GNG2: variants seen among roughly 807,000 people sequenced by gnomAD.
The protein encoded by GNG2 is guanine nucleotide-binding protein G(I)/G(S)/G(O) subunit gamma-2.
GNG2 carries 5 observed loss-of-function variants against 5.5 expected under a neutral mutation model. That is an observed-to-expected ratio of 0.91 (90% confidence interval 0.48 to 1.92). The LOEUF is 1.92. GNG2 is among the 30% of genes most tolerant of loss of function. The pLI is 0.01. For synonymous variants in GNG2, 28 were observed against 32.0 expected, an observed-to-expected ratio of 0.88 and a Z score of 0.42; for missense variants, 55 against 88.4, an observed-to-expected ratio of 0.62 and a Z score of 1.52.
At chr14:51,827,621 G>A in intron 1 of GNG2, 1 of 682,940 alleles carries the variant, frequency 1.5e-6, no homozygotes, top group South Asian at 1.6e-5. Context: ...TTAAAGCTGT[G>A]ATTAGTGTGT....
chr14:51,837,586 G>A (rs978351611), intron 2 of GNG2, among the ~76,000 whole-genome samples: 7 of 151,246 alleles, frequency 4.6e-5, no homozygotes, highest in East Asian at 1.9e-4. Context: ...CGCAGAGGCC[G>A]CAGTGAGCTG....
intron 2 of GNG2, among the ~76,000 whole-genome samples, chr14:51,837,461 A>G (rs1334047984): frequency 2.0e-5 from 3 of 151,986 alleles, no homozygotes; most frequent in Non-Finnish European, 2.9e-5. Flanking sequence ...TCTTGCCAAC[A>G]TGGTGAAACA....
At chr14:51,851,233 G>C (rs540325684) in intron 2 of GNG2, among the ~76,000 whole-genome samples, 2 of 152,162 alleles carry the variant, frequency 1.3e-5, no homozygotes, top group South Asian at 4.1e-4. Flanking sequence ...GGTTCCCTTG[G>C]AGCGGGGAGA....
chr14:51,893,025 C>T (rs1884961856), intron 2 of GNG2, among the ~76,000 whole-genome samples: 1 of 152,190 alleles, frequency 6.6e-6, no homozygotes, highest in Non-Finnish European at 1.5e-5. Context: ...CATCTTCACT[C>T]CACTGTCGCC....
intron 2 of GNG2, among the ~76,000 whole-genome samples, chr14:51,896,108 A>G (rs561236179): frequency 2.6e-5 from 4 of 152,252 alleles, no homozygotes; most frequent in African/African-American, 9.6e-5. Context: ...TTGGATTCAG[A>G]ACAGGAATTT....
At chr14:51,904,455 C>G (rs1885774918) in intron 2 of GNG2, among the ~76,000 whole-genome samples, 1 of 152,134 alleles carries the variant, frequency 6.6e-6, no homozygotes. Flanking sequence ...GAATTCTTTA[C>G]AGAGAGGGAT....
At chr14:51,862,746 C>T (rs1036793902) in intron 1 of GNG2, among the ~76,000 whole-genome samples, 2 of 152,338 alleles carry the variant, frequency 1.3e-5, no homozygotes, top group East Asian at 1.9e-4. Flanking sequence ...ATTTTCTGCA[C>T]AGCACAAAAC....
chr14:51,835,844 G>C (rs2790505), intron 2 of GNG2, among the ~76,000 whole-genome samples: 49,586 of 151,844 alleles, frequency 0.33, 9,426 homozygotes, highest in Non-Finnish European at 0.41. Flanking sequence ...CTAATTTTCA[G>C]GTCTTTTGCT....
At chr14:51,902,112 A>G (rs1885608766) in intron 2 of GNG2, among the ~76,000 whole-genome samples, 1 of 152,078 alleles carries the variant, frequency 6.6e-6, no homozygotes, top group Non-Finnish European at 1.5e-5. Flanking sequence ...GATTTTGATT[A>G]AATATTTTTG....
intron 2 of GNG2, among the ~76,000 whole-genome samples, chr14:51,850,360 G>GA (rs1042906123): frequency 6.6e-6 from 1 of 151,932 alleles, no homozygotes; most frequent in East Asian, 1.9e-4. Context: ...CAGCTCTCAT[G>GA]AAAAAAATAA....
chr14:51,885,927 A>G (rs376605557), intron 2 of GNG2, among the ~76,000 whole-genome samples: 3 of 152,294 alleles, frequency 2.0e-5, no homozygotes, highest in East Asian at 1.9e-4. Flanking sequence ...ATTATAATTT[A>G]TTCATGACAG....
intron 2 of GNG2, among the ~76,000 whole-genome samples, chr14:51,828,051 G>C (rs967662135): frequency 6.6e-6 from 1 of 152,226 alleles, no homozygotes; most frequent in Non-Finnish European, 1.5e-5. Flanking sequence ...GGATTCTCGG[G>C]ATGAGAGGCC....
chr14:51,942,059 T>C (rs1213460814), intron 2 of GNG2, among the ~76,000 whole-genome samples: 2 of 152,192 alleles, frequency 1.3e-5, no homozygotes. Flanking sequence ...ATTCTGTCAG[T>C]AGACTGCATA....
chr14:51,842,564 C>G (rs1323681093), intron 2 of GNG2, among the ~76,000 whole-genome samples: 1 of 152,188 alleles, frequency 6.6e-6, no homozygotes, highest in Non-Finnish European at 1.5e-5. Flanking sequence ...GGTCACAGAC[C>G]TACTCAGGGC....
intron 2 of GNG2, chr14:51,913,965 A>G (rs1384096607): frequency 4.1e-6 from 2 of 484,858 alleles, no homozygotes; most frequent in East Asian, 3.4e-5. Context: ...CATTTCATAT[A>G]TATGAAAAAC....
At chr14:51,858,900 T>C (rs1174000631), upstream of GNG2, among the ~76,000 whole-genome samples, 1 of 152,218 alleles carries the variant, frequency 6.6e-6, no homozygotes, top group Non-Finnish European at 1.5e-5. Flanking sequence ...GGGTCCTTTT[T>C]GATGAAAGAT....
chr14:51,901,957 A>T (rs1362094627), intron 2 of GNG2, among the ~76,000 whole-genome samples: 2 of 136,390 alleles, frequency 1.5e-5, no homozygotes, highest in African/African-American at 2.8e-5. Context: ...TCACAATAAC[A>T]ATCTGTAAAA....
At chr14:51,910,482 G>T (rs1403941788) in intron 2 of GNG2, among the ~76,000 whole-genome samples, 4 of 152,218 alleles carry the variant, frequency 2.6e-5, no homozygotes, top group Non-Finnish European at 5.9e-5. Context: ...CAAAAGCCCA[G>T]GATGGAAGGA....
intron 2 of GNG2, among the ~76,000 whole-genome samples, chr14:51,905,419 G>A (rs1885853711): frequency 1.3e-5 from 2 of 152,232 alleles, no homozygotes; most frequent in South Asian, 2.1e-4. Flanking sequence ...ATGATCATCT[G>A]TGTTAAAATT....
Sources: allele counts gnomAD v4.1 joint callset (sites outside exome capture counted in the v4.1 genomes callset), GRCh38; gene constraint gnomAD v4.1.1; transcripts MANE v1.5; gene names NCBI Gene and HGNC (gene_info 2026-07-23, HGNC 2026-07-21).